ABCA10: variants seen among roughly 807,000 people sequenced by gnomAD.
ABCA10 encodes ATP-binding cassette sub-family A member 10.
In ABCA10, 169 loss-of-function variants were observed where a neutral mutation model predicts 187.5. That is an observed-to-expected ratio of 0.90 (90% CI 0.80 to 1.02). ABCA10 has a LOEUF of 1.02. ABCA10 is among the 50% of genes least tolerant of loss of function. ABCA10 has a pLI of 0.00. For synonymous variants in ABCA10, 574 were observed against 601.8 expected (o/e 0.95, Z 0.68); for missense variants, 1,727 against 1,812.4 (o/e 0.95, Z 0.86).
chr17:69,224,757 T>C (rs1331561120), intron 3 of ABCA10, among the ~76,000 whole-genome samples: 1 of 150,688 alleles, frequency 6.6e-6, no homozygotes, highest in Non-Finnish European at 1.5e-5. Context: ...CAGTAGCCAA[T>C]ACCTGATTTG....
intron 6 of ABCA10, among the ~76,000 whole-genome samples, chr17:69,217,314 T>G (rs1235537427): frequency 2.0e-5 from 3 of 151,554 alleles, no homozygotes; most frequent in Non-Finnish European, 2.9e-5. Context: ...AATGTCGGAG[T>G]AGCCAAAACA....
At chr17:69,195,136 A>G (rs748456940) in intron 11 of ABCA10, among the ~76,000 whole-genome samples, 71 of 152,278 alleles carry the variant, frequency 4.7e-4, no homozygotes, top group Non-Finnish European at 8.8e-4. Flanking sequence ...CCACCGGAAA[A>G]TAAGAATTCA....
At chr17:69,197,225 C>A in intron 10 of ABCA10, 103 bp from the exon 11 acceptor site, 1 of 886,766 alleles carries the variant, frequency 1.1e-6, no homozygotes, top group Admixed American at 2.3e-5. Context: ...AAGGGTATCA[C>A]TCTCAGTGGG....
chr17:69,149,390 A>C, intron 37 of ABCA10: 1 of 311,572 alleles, frequency 3.2e-6, no homozygotes, highest in Non-Finnish European at 5.9e-6. Context: ...AATTTATTCT[A>C]TATTTGTAAA....
chr17:69,191,895 A>T (rs1190328563), intron 16 of ABCA10, among the ~76,000 whole-genome samples: 2 of 152,258 alleles, frequency 1.3e-5, no homozygotes, highest in African/African-American at 2.4e-5. Flanking sequence ...AAATGTTCCC[A>T]TGTGATATTC....
chr17:69,185,122 G>T (rs574872718), intron 20 of ABCA10, among the ~76,000 whole-genome samples: 17 of 151,942 alleles, frequency 1.1e-4, no homozygotes, highest in Non-Finnish European at 2.2e-4. Flanking sequence ...GCATAAGAAT[G>T]ATACAATGGA....
chr17:69,193,142 G>T lies in ABCA10; in HGVS notation c.1748C>A (p.Thr583Asn), dbSNP rs770534152. ...GATGTCAGCCTCATCCATGAATTGGGTACTGAAGAGGATAAGTCGGTCTAC... is the reference window on the plus strand; with the variant it reads ...GATGTCAGCCTCATCCATGAATTGGTTACTGAAGAGGATAAGTCGGTCTAC... ...HKVDRLILFS[T>N]QFMDEADILA... Residue 583 changes from threonine to asparagine, a missense_variant, in exon 15 of 39, where the codon ACC (threonine) becomes AAC (asparagine). By Grantham distance (65) the Thr-to-Asn change is moderately conservative. Transcript: ENST00000690296. The T allele has an allele frequency of 6.2e-7, 1 of 1,613,046 alleles. No individual in the cohort carries two copies. Among genetic ancestry groups the T allele is most frequent in the Non-Finnish European group, 8.5e-7 (1 of 1,179,572 alleles).
Position 69,175,471 on chromosome 17 carries a change from A to G in ABCA10, c.2812T>C (p.Phe938Leu). ...LDLGFIDGSI[F>L]LLLITNCVSP... ...ACGCAGTTTGTGATCAACAACAAAA[A>G]TATGGACCCATCTATAAAACCAAGA... is the stretch of plus-strand genomic sequence containing the variant. Residue 938 changes from phenylalanine to leucine, a missense_variant, in exon 23 of 39, where the codon TTT becomes CTT. By Grantham distance (22) the Phe-to-Leu change is conservative. Transcript: ENST00000690296. 6.2e-7 allele frequency: 1 copy of G among 1,612,104 alleles called. No individual in the cohort carries two copies. The highest frequency in any genetic ancestry group is 1.3e-5 in the African/African-American group (1 of 74,976).
rs752906325 is a variant in ABCA10, at chr17:69,153,572, A to G, written c.3966-26T>C. The G allele has an allele frequency of 3.2e-5, 51 of 1,612,666 alleles. No homozygotes were observed. The Admixed American group carries it at 8.5e-4, about 27-fold the overall frequency. On this transcript the variant is annotated intron_variant, in intron 32 of 38. Coordinates refer to ENST00000690296, the MANE Select transcript of ABCA10 (RefSeq NM_001377321.1). ...CTGACAAAAAACAGTGTGATTATACATGAAGTATATGGCAAATGGACCTAT... is the reference window on the plus strand; with the variant it reads ...CTGACAAAAAACAGTGTGATTATACGTGAAGTATATGGCAAATGGACCTAT...
At chr17:69,210,847 C>CATATATATATATATATATATATATAT (rs57227408) in intron 9 of ABCA10, among the ~76,000 whole-genome samples, 790 of 37,256 alleles carry the variant, frequency 0.021, 9 homozygotes, top group Non-Finnish European at 0.038. Flanking sequence ...ATTTATGCCA[C>CATATATATATATATATATATATATAT]ATATATATAT....
chr17:69,187,996 A>G lies in ABCA10; in HGVS notation c.2132-117T>C, dbSNP rs1434735206. 6.8e-5 allele frequency: 58 copies of G among 856,940 alleles called. No individual in the cohort carries two copies. The South Asian group carries it at 1.0e-3, about 15-fold the overall frequency. The allele number at this position is 856,940 out of a possible 1,614,324, so 53.1% of individuals were successfully genotyped here. On this transcript the variant is annotated intron_variant, in intron 18 of 38. Coordinates refer to ENST00000690296, the MANE Select transcript of ABCA10 (RefSeq NM_001377321.1). ...GCACTTCCAACAAGTTAAGCTACTG[A>G]TATCCATAATCAAAATTTACGTTAA...
chr17:69,194,393 G>A lies in ABCA10; in HGVS notation c.1337C>T (p.Ser446Phe), dbSNP rs969467319. 3 of 1,605,256 alleles carry A rather than the reference G, an allele frequency of 1.9e-6. No homozygotes were observed. Among genetic ancestry groups the A allele is most frequent in the East Asian group, 2.2e-5 (1 of 44,600 alleles). ...LLNILSGLSVSTEGSATIYNT... is the reference protein window; with the variant it reads ...LLNILSGLSVFTEGSATIYNT... Reference sequence around the variant, plus strand: ...TAAAACTGTTTTCTCACCTTCTGTAGAAACAGACAATCCACTAAGAATGTT... The same window carrying A: ...TAAAACTGTTTTCTCACCTTCTGTAAAAACAGACAATCCACTAAGAATGTT... Residue 446 changes from serine (S) to phenylalanine (F), a missense_variant, in exon 12 of 39, where the codon TCT becomes TTT. Transcript: ENST00000690296.
At chr17:69,235,701 C>A (rs2074864233) in intron 1 of ABCA10, among the ~76,000 whole-genome samples, 1 of 151,906 alleles carries the variant, frequency 6.6e-6, no homozygotes, top group Non-Finnish European at 1.5e-5. Flanking sequence ...ACTAGGCACC[C>A]ACCCACACCT....
At chr17:69,154,081 A>AAGT (rs1598084736) in intron 31 of ABCA10, 72 bp from the exon 32 acceptor site, 7 of 1,540,786 alleles carry the variant, frequency 4.5e-6, no homozygotes, top group Non-Finnish European at 6.1e-6. Flanking sequence ...AAGGAGATAA[A>AAGT]AGTGGCCATT....
At chr17:69,237,795 C>A (rs964044051) in intron 1 of ABCA10, among the ~76,000 whole-genome samples, 1 of 152,056 alleles carries the variant, frequency 6.6e-6, no homozygotes, top group African/African-American at 2.4e-5. Context: ...GAAGAAGACA[C>A]AAGACATTCA....
chr17:69,219,331 T>C (rs1240269217), intron 6 of ABCA10, among the ~76,000 whole-genome samples: 1 of 152,168 alleles, frequency 6.6e-6, no homozygotes, highest in Admixed American at 6.5e-5. Context: ...TTTCGGGCAA[T>C]ATGTAATGAT....
intron 1 of ABCA10, among the ~76,000 whole-genome samples, chr17:69,238,159 CAA>C (rs60735465): frequency 0.026 from 3,471 of 135,496 alleles, 109 homozygotes; most frequent in African/African-American, 0.079. Flanking sequence ...GAGACTCTGT[CAA>C]AAAAAAAAAA....
chr17:69,190,305 T>A, intron 18 of ABCA10, 53 bp downstream of exon 18: 3 of 1,492,856 alleles, frequency 2.0e-6, no homozygotes, highest in Non-Finnish European at 2.7e-6. Flanking sequence ...GAACATCATC[T>A]TTTTCTCTTC....
chr17:69,154,380 A>C (rs2074156996), intron 30 of ABCA10, 54 bp from the exon 31 acceptor site: 1 of 1,352,486 alleles, frequency 7.4e-7, no homozygotes, highest in Non-Finnish European at 1.0e-6. Context: ...ACTAATCTAA[A>C]ATTGCTTGGT....
Sources: gnomAD v4.1 joint callset for allele counts (sites outside exome capture counted in the v4.1 genomes callset) on GRCh38, gnomAD v4.1.1 for gene constraint, MANE v1.5 for transcripts, NCBI Gene and HGNC (gene_info 2026-07-23, HGNC 2026-07-21) for gene names.